Variants in ADAMTSL1 observed in about 807,000 individuals in gnomAD.
ADAMTSL1 encodes the protein ADAMTS like 1.
In ADAMTSL1, 126 loss-of-function variants were observed where a neutral mutation model predicts 201.8. That is an observed-to-expected ratio of 0.62 (90% CI 0.54 to 0.72). The LOEUF is 0.72. Among genes scored for constraint, ADAMTSL1 ranks in the 30% least tolerant of loss-of-function variants. The pLI is 0.00. For synonymous variants in ADAMTSL1, 1,121 were observed against 903.4 expected, an observed-to-expected ratio of 1.24 and a Z score of -4.32; for missense variants, 2,679 against 2,277.8, an observed-to-expected ratio of 1.18 and a Z score of -3.59.
chr9:18,744,945 G>A (rs1027915038), intron 15 of ADAMTSL1, among the ~76,000 whole-genome samples: 7 of 152,180 alleles, frequency 4.6e-5, no homozygotes, highest in African/African-American at 1.7e-4. Flanking sequence ...ACACAGAAGT[G>A]TGCTATGTTC....
chr9:18,784,847 C>G (rs114804556), intron 19 of ADAMTSL1, among the ~76,000 whole-genome samples: 1,611 of 152,270 alleles, frequency 0.011, 22 homozygotes, highest in African/African-American at 0.037. Flanking sequence ...TAGATTAACT[C>G]GCTCAAAGTC....
chr9:18,503,304 A>G (rs1822937610), intron 1 of ADAMTSL1, among the ~76,000 whole-genome samples: 1 of 151,728 alleles, frequency 6.6e-6, no homozygotes, highest in African/African-American at 2.4e-5. Flanking sequence ...GGAATCATGC[A>G]ATATTTGTTC....
At chr9:18,066,028 A>T (rs1465046029) in intron 1 of ADAMTSL1, among the ~76,000 whole-genome samples, 1 of 150,318 alleles carries the variant, frequency 6.7e-6, no homozygotes, top group South Asian at 2.1e-4. Flanking sequence ...TGGCACCACC[A>T]CAATGACCAG....
intron 3 of ADAMTSL1, among the ~76,000 whole-genome samples, chr9:18,549,665 A>G (rs1018784874): frequency 1.3e-5 from 2 of 152,020 alleles, no homozygotes; most frequent in South Asian, 2.1e-4. Context: ...GAAGTTAGAC[A>G]TGACCACATA....
chr9:18,610,160 A>G (rs1825285064), intron 4 of ADAMTSL1, among the ~76,000 whole-genome samples: 1 of 152,192 alleles, frequency 6.6e-6, no homozygotes, highest in Non-Finnish European at 1.5e-5. Flanking sequence ...CCAGAGGGGT[A>G]AATATACCTT....
intron 1 of ADAMTSL1, among the ~76,000 whole-genome samples, chr9:18,095,261 C>T (rs1460141274): frequency 6.6e-6 from 1 of 152,062 alleles, no homozygotes; most frequent in Non-Finnish European, 1.5e-5. Context: ...CACACAAGTA[C>T]CTACGTGCAG....
chr9:18,086,748 A>T lies in ADAMTSL1; in HGVS notation c.88-77114A>T, dbSNP rs540738537. Reference sequence around the variant, plus strand: ...CAACAAGGATGGTTATAATTGACTAAAATGATGCTTATGACAATTTCTGTA... The same window carrying T: ...CAACAAGGATGGTTATAATTGACTATAATGATGCTTATGACAATTTCTGTA... On this transcript the variant is annotated intron_variant, in intron 1 of 29. Transcript: ENST00000680146. Among the ~76,000 whole-genome samples, 4 of 152,316 alleles carry T rather than the reference A, an allele frequency of 2.6e-5. No individual in the cohort carries two copies. In the East Asian group the frequency reaches 7.7e-4, roughly 29 times the overall value.
Position 18,777,664 on chromosome 9 carries a change from G to A in ADAMTSL1, c.3435G>A (p.Leu1145=), listed in dbSNP as rs1370243725. The A allele has an allele frequency of 6.2e-7, 1 of 1,613,640 alleles. No homozygotes were observed. Among genetic ancestry groups the A allele is most frequent in the African/African-American group, 1.3e-5 (1 of 75,056 alleles). The change falls in exon 19 of 29, where the codon CTG becomes CTA. Residue 1145 remains leucine, a synonymous_variant. Transcript: ENST00000380548. The part of the protein sequence containing the change: ...HKHVSGFSSS[L]RTSSTGDAGG... Reference sequence around the variant, plus strand: ...ACGTGTCTGGCTTCAGCAGCTCCCTGCGGACCTCCTCCACCGGGGACGCCG... The same window carrying A: ...ACGTGTCTGGCTTCAGCAGCTCCCTACGGACCTCCTCCACCGGGGACGCCG...
intron 23 of ADAMTSL1, among the ~76,000 whole-genome samples, chr9:18,883,537 A>T (rs1228903583): frequency 4.6e-5 from 7 of 152,222 alleles, no homozygotes; most frequent in Non-Finnish European, 7.3e-5. Flanking sequence ...CACTGTCTCC[A>T]GAATTTTTTC....
chr9:17,963,789 T>G (rs1187197217), intron 1 of ADAMTSL1, among the ~76,000 whole-genome samples: 1 of 152,104 alleles, frequency 6.6e-6, no homozygotes, highest in Non-Finnish European at 1.5e-5. Context: ...ATTTTTTGTT[T>G]TTGTTGAAAG....
rs1822088714 is a variant in ADAMTSL1, at chr9:18,488,109, A to G, written c.63+13814A>G. ...AAGCAAAGCTAGGCTTAAGATTCAG[A>G]TGCAGAAATACGATTATGGAACCCT... On this transcript the variant is annotated intron_variant, in intron 1 of 28. Transcript: ENST00000380548. 3.3e-5 allele frequency among the ~76,000 whole-genome samples: 5 copies of G among 152,232 alleles called. No individual in the cohort carries two copies. The South Asian group carries it at 6.2e-4, about 19-fold the overall frequency.
intron 13 of ADAMTSL1, among the ~76,000 whole-genome samples, chr9:18,689,238 G>A (rs1279977908): frequency 1.3e-5 from 2 of 152,104 alleles, no homozygotes; most frequent in African/African-American, 4.8e-5. Flanking sequence ...AGTCTTGGTT[G>A]AGATGTATGC....
chr9:18,290,110 A>G (rs1409366872), intron 2 of ADAMTSL1, among the ~76,000 whole-genome samples: 27 of 152,192 alleles, frequency 1.8e-4, no homozygotes, highest in Non-Finnish European at 4.4e-5. Flanking sequence ...CAAGGGATAT[A>G]AGAAAATGAC....
intron 2 of ADAMTSL1, among the ~76,000 whole-genome samples, chr9:18,338,172 G>A (rs900167135): frequency 2.0e-5 from 3 of 152,050 alleles, no homozygotes; most frequent in Non-Finnish European, 2.9e-5. Flanking sequence ...GGGTTCCATA[G>A]TGAACTGTTT....
intron 1 of ADAMTSL1, among the ~76,000 whole-genome samples, chr9:18,078,710 C>T (rs1472625999): frequency 1.3e-5 from 2 of 152,180 alleles, no homozygotes; most frequent in Non-Finnish European, 2.9e-5. Flanking sequence ...TTCTGTTTCT[C>T]TGGTTACCAC....
Position 18,455,961 on chromosome 9 carries a change from T to C in ADAMTSL1, c.208-48868T>C, listed in dbSNP as rs115965811. 7.8e-3 allele frequency among the ~76,000 whole-genome samples: 1,186 copies of C among 152,256 alleles called. 20 individuals carry two copies. Among genetic ancestry groups the C allele is most frequent in the African/African-American group, 0.027 (1,130 of 41,560 alleles). On this transcript the variant is annotated intron_variant, in intron 2 of 29. Coordinates refer to the ADAMTSL1 transcript ENST00000680146. ...ATACTTTCTAATCCAAAAATTCTTA[T>C]CTCTGACTAAAAGCCCTCCCATTTC...
intron 1 of ADAMTSL1, among the ~76,000 whole-genome samples, chr9:17,945,249 A>G (rs949262130): frequency 2.1e-5 from 3 of 139,842 alleles, no homozygotes; most frequent in African/African-American, 8.1e-5. Context: ...AGAAATGCAA[A>G]TCAAAACCAC....
chr9:18,777,353 T>C lies in ADAMTSL1; in HGVS notation c.3124T>C (p.Trp1042Arg), dbSNP rs1319655288. 8.1e-6 allele frequency: 13 copies of C among 1,602,278 alleles called. No individual in the cohort carries two copies. Among genetic ancestry groups the C allele is most frequent in the Non-Finnish European group, 1.0e-5 (12 of 1,175,032 alleles). Residue 1042 changes from tryptophan to arginine, a missense_variant, in exon 19 of 29, where the codon TGG (tryptophan) becomes CGG (arginine). By Grantham distance (101) the Trp-to-Arg change is moderately radical (BLOSUM62 -3). Coordinates refer to ENST00000380548, the MANE Select transcript of ADAMTSL1 (RefSeq NM_001040272.6). ...GGWPGELLAS[W>R]EAQDSAERNT... ...CTGGCCCGGAGAGCTGCTGGCCTCG[T>C]GGGAGGCGCAGGACTCTGCGGAAAG...
Position 18,612,358 on chromosome 9 carries a change from A to C in ADAMTSL1, c.475-9885A>C, listed in dbSNP as rs557797546. Among the ~76,000 whole-genome samples the C allele has an allele frequency of 1.2e-4, 18 of 152,298 alleles. No individual in the cohort carries two copies. The East Asian group carries it at 3.5e-3, about 29-fold the overall frequency. ...GTAACAGCTGTTATGTTTTAGCTTG[A>C]GACAAAGGGGAAAATTCTTTGAAAT... On this transcript the variant is annotated intron_variant, in intron 4 of 28. Coordinates refer to ENST00000380548, the MANE Select transcript of ADAMTSL1 (RefSeq NM_001040272.6).
Sources: allele counts gnomAD v4.1 joint callset (sites outside exome capture counted in the v4.1 genomes callset), GRCh38; gene constraint gnomAD v4.1.1; transcripts MANE v1.5; gene names NCBI Gene and HGNC (gene_info 2026-07-23, HGNC 2026-07-21).